PPFIA2: variants seen among roughly 807,000 people sequenced by gnomAD.
The protein encoded by PPFIA2 is liprin-alpha-2.
In PPFIA2, 46 loss-of-function variants were observed where a neutral mutation model predicts 175.5. That is an observed-to-expected ratio of 0.26 (90% CI 0.21 to 0.34). The LOEUF (loss-of-function observed/expected upper bound fraction) is 0.34. Ranked by LOEUF, PPFIA2 falls within the 10% of genes least tolerant of loss-of-function variation. PPFIA2 has a pLI of 1.00. For missense variants in PPFIA2, 1,179 were observed against 1,506.1 expected (o/e 0.78, Z 3.60); for synonymous variants, 568 against 511.4 (o/e 1.11, Z -1.49).
At chr12:81,380,962 CTGTGTGTGTGTG>C (rs71098139) in intron 9 of PPFIA2, among the ~76,000 whole-genome samples, 21,848 of 137,428 alleles carry the variant, frequency 0.16, 1,864 homozygotes, top group Middle Eastern at 0.19. Flanking sequence ...TTTCACAGTG[CTGTGTGTGTGTG>C]TGTGTGTGTG....
chr12:81,589,684 T>G (rs1264150667), intron 4 of PPFIA2, among the ~76,000 whole-genome samples: 1 of 152,136 alleles, frequency 6.6e-6, no homozygotes. Context: ...GATTTTTGTG[T>G]TTTATAGCTC....
At chr12:81,279,820 G>C (rs139441720) in intron 27 of PPFIA2, among the ~76,000 whole-genome samples, 70 of 152,254 alleles carry the variant, frequency 4.6e-4, no homozygotes, top group Middle Eastern at 3.4e-3. Flanking sequence ...GTGACAGGGA[G>C]CTCACTCACT....
At chr12:81,751,433 C>A (rs988501989) in intron 3 of PPFIA2, among the ~76,000 whole-genome samples, 125 of 149,612 alleles carry the variant, frequency 8.4e-4, no homozygotes, top group African/African-American at 2.9e-3. Flanking sequence ...TTTTACCATG[C>A]AGTAGGAATA....
intron 9 of PPFIA2, among the ~76,000 whole-genome samples, chr12:81,382,061 G>A (rs1185116436): frequency 6.6e-6 from 1 of 152,148 alleles, no homozygotes; most frequent in Non-Finnish European, 1.5e-5. Flanking sequence ...AATATACATT[G>A]TGTCAGGTGA....
At chr12:81,398,663 C>T (rs762468294) in intron 8 of PPFIA2, among the ~76,000 whole-genome samples, 3 of 151,980 alleles carry the variant, frequency 2.0e-5, no homozygotes, top group Non-Finnish European at 4.4e-5. Context: ...GACCCGTAGC[C>T]GCTTTGTTAA....
At chr12:81,535,032 A>T (rs2065179773) in intron 4 of PPFIA2, among the ~76,000 whole-genome samples, 1 of 151,752 alleles carries the variant, frequency 6.6e-6, no homozygotes, top group Non-Finnish European at 1.5e-5. Flanking sequence ...ATGCAACAAG[A>T]AGATTTCAAA....
rs1238386355 is a variant in PPFIA2 at position 81,313,012 on chromosome 12, G to T, written c.2642+12765C>A. ...GAAATATTTAATTATTTGAATAGGT[G>T]TTTATAAATGTTGTTTTTGGGGAAA... On this transcript the variant is annotated intron_variant, in intron 22 of 32. Coordinates refer to ENST00000549396, the MANE Select transcript of PPFIA2 (RefSeq NM_003625.5). Among the ~76,000 whole-genome samples, 3 of 152,040 alleles carry T rather than the reference G, an allele frequency of 2.0e-5. No individual in the cohort carries two copies. In the East Asian group the frequency reaches 5.8e-4, roughly 29 times the overall value.
chr12:81,692,710 C>A (rs1021547624), intron 3 of PPFIA2, among the ~76,000 whole-genome samples: 53 of 152,052 alleles, frequency 3.5e-4, no homozygotes, highest in Non-Finnish European at 6.9e-4. Flanking sequence ...TTGATGTTGA[C>A]AACTATCAAT....
chr12:81,725,641 G>A (rs759057074), intron 3 of PPFIA2, among the ~76,000 whole-genome samples: 12 of 150,550 alleles, frequency 8.0e-5, no homozygotes, highest in Non-Finnish European at 1.5e-4. Context: ...GTAGAATAAA[G>A]TATTTTAAAA....
intron 7 of PPFIA2, among the ~76,000 whole-genome samples, chr12:81,418,186 T>C (rs1414751407): frequency 1.3e-5 from 2 of 151,894 alleles, no homozygotes; most frequent in African/African-American, 2.4e-5. Flanking sequence ...TAAGTTTCAC[T>C]TGGTGGGCGT....
chr12:81,492,003 T>C (rs1447590416), intron 4 of PPFIA2, among the ~76,000 whole-genome samples: 1 of 152,062 alleles, frequency 6.6e-6, no homozygotes, highest in Admixed American at 6.6e-5. Context: ...GTTCAAGTTG[T>C]AGTACTTCAT....
chr12:81,573,643 A>G (rs1317286742), intron 4 of PPFIA2, among the ~76,000 whole-genome samples: 1 of 151,864 alleles, frequency 6.6e-6, no homozygotes, highest in Non-Finnish European at 1.5e-5. Context: ...TTTAACCACC[A>G]CAATCATGAA....
intron 19 of PPFIA2, 72 bp downstream of exon 19, chr12:81,344,592 A>G: frequency 1.8e-6 from 2 of 1,084,390 alleles, no homozygotes; most frequent in Non-Finnish European, 2.7e-6. Context: ...GACTAGAGGG[A>G]ATATTATTTT....
At position 81,266,964 on chromosome 12, in the gene PPFIA2, C is replaced by T. The variant is rs1480243585; in HGVS notation, c.3543G>A (p.Arg1181=). 5 of 1,612,200 alleles carry T rather than the reference C, an allele frequency of 3.1e-6. No homozygotes were observed. In the South Asian group the frequency reaches 5.5e-5, roughly 18 times the overall value. ...YNNLLALGTE[R]RLDESDDKNF... is the part of the protein sequence containing the mutation. Reference sequence around the variant, plus strand: ...CAGGTGGACTTACTTCATCCAGTCGCCTTTCAGTTCCCAGGGCCAAGAGGT... The same window carrying T: ...CAGGTGGACTTACTTCATCCAGTCGTCTTTCAGTTCCCAGGGCCAAGAGGT... The change falls in exon 30 of 33, where the codon AGG becomes AGA. Residue 1181 remains arginine, a synonymous_variant. Coordinates refer to ENST00000549396, the MANE Select transcript of PPFIA2 (RefSeq NM_003625.5).
At chr12:81,454,260 A>G (rs2053193180) in intron 5 of PPFIA2, among the ~76,000 whole-genome samples, 1 of 152,124 alleles carries the variant, frequency 6.6e-6, no homozygotes, top group Non-Finnish European at 1.5e-5. Context: ...AACAAACTGT[A>G]TTCTTCTTTG....
intron 18 of PPFIA2, among the ~76,000 whole-genome samples, chr12:81,345,970 C>T (rs553423107): frequency 6.6e-6 from 1 of 152,146 alleles, no homozygotes; most frequent in East Asian, 1.9e-4. Context: ...ATTGTCTATT[C>T]TATTTAAAAA....
chr12:81,653,486 C>T (rs1156558234), intron 4 of PPFIA2, among the ~76,000 whole-genome samples: 1 of 152,022 alleles, frequency 6.6e-6, no homozygotes, highest in Non-Finnish European at 1.5e-5. Flanking sequence ...TTCCATGCCT[C>T]CCTCCCAGAT....
intron 3 of PPFIA2, among the ~76,000 whole-genome samples, chr12:81,739,270 T>C (rs1453637740): frequency 6.6e-6 from 1 of 152,002 alleles, no homozygotes; most frequent in African/African-American, 2.4e-5. Context: ...GAAGTCACAT[T>C]TTCTATAAAA....
chr12:81,527,265 T>C (rs1191916393), intron 4 of PPFIA2, among the ~76,000 whole-genome samples: 1 of 152,108 alleles, frequency 6.6e-6, no homozygotes, highest in African/African-American at 2.4e-5. Context: ...ATTCCCACCA[T>C]GCCACAATTT....
Sources: gnomAD v4.1 joint callset for allele counts (sites outside exome capture counted in the v4.1 genomes callset) on GRCh38, gnomAD v4.1.1 for gene constraint, MANE v1.5 for transcripts, NCBI Gene and HGNC (gene_info 2026-07-23, HGNC 2026-07-21) for gene names.